ZNF521: variants seen among roughly 807,000 people sequenced by gnomAD.
The protein encoded by ZNF521 is zinc finger protein 521.
ZNF521 carries 14 observed loss-of-function variants against 105.5 expected under a neutral mutation model. The ratio of observed to expected loss-of-function variants is 0.13; its 90% CI spans 0.09 to 0.21. The LOEUF (loss-of-function observed/expected upper bound fraction) is 0.21, where lower values mean the gene tolerates loss of function less well. Ranked by LOEUF, ZNF521 falls within the 10% of genes least tolerant of loss-of-function variation. ZNF521 has a pLI of 1.00. For synonymous variants in ZNF521, 635 were observed against 606.0 expected (o/e 1.05, Z -0.70); for missense variants, 1,233 against 1,629.7 (o/e 0.76, Z 4.19).
chr18:25,167,010 A>G (rs1393887139), intron 5 of ZNF521, among the ~76,000 whole-genome samples: 1 of 152,190 alleles, frequency 6.6e-6, no homozygotes, highest in Non-Finnish European at 1.5e-5. Flanking sequence ...TATATTTCTC[A>G]TCACTGCTTT....
intron 3 of ZNF521, among the ~76,000 whole-genome samples, chr18:25,303,548 G>A (rs1043861204): frequency 1.9e-4 from 29 of 152,036 alleles, no homozygotes; most frequent in African/African-American, 3.6e-4. Context: ...TGCCCGTCTC[G>A]GCCTCCCAAA....
At chr18:25,293,035 T>A (rs1460401393) in intron 3 of ZNF521, among the ~76,000 whole-genome samples, 3 of 152,182 alleles carry the variant, frequency 2.0e-5, no homozygotes, top group Non-Finnish European at 4.4e-5. Flanking sequence ...CACTGCCCAA[T>A]GGTTTTCCCA....
chr18:25,272,852 T>C (rs1909753800), intron 3 of ZNF521, among the ~76,000 whole-genome samples: 1 of 152,022 alleles, frequency 6.6e-6, no homozygotes, highest in Non-Finnish European at 1.5e-5. Flanking sequence ...ATGGCACATG[T>C]ATACCTATGT....
intron 5 of ZNF521, among the ~76,000 whole-genome samples, chr18:25,160,379 C>T (rs1454173600): frequency 6.6e-6 from 1 of 152,182 alleles, no homozygotes; most frequent in African/African-American, 2.4e-5. Context: ...GAATGATGCA[C>T]ATGTGGCCAA....
intron 5 of ZNF521, among the ~76,000 whole-genome samples, chr18:25,156,888 A>G (rs922236127): frequency 2.6e-5 from 4 of 152,328 alleles, no homozygotes; most frequent in African/African-American, 7.2e-5. Flanking sequence ...TGAGGCATGA[A>G]GGAGCTCTTG....
chr18:25,218,948 C>T (rs542057501), intron 4 of ZNF521, among the ~76,000 whole-genome samples: 5 of 152,230 alleles, frequency 3.3e-5, no homozygotes, highest in South Asian at 2.1e-4. Context: ...ACCCCCAAGA[C>T]GGCAAGACCA....
At chr18:25,335,868 G>C (rs917018295) in intron 2 of ZNF521, among the ~76,000 whole-genome samples, 8 of 152,192 alleles carry the variant, frequency 5.3e-5, no homozygotes, top group Non-Finnish European at 1.5e-5. Flanking sequence ...GCGGACAGAG[G>C]CTGGGCTTCT....
intron 5 of ZNF521, among the ~76,000 whole-genome samples, chr18:25,159,547 T>C (rs956798767): frequency 3.9e-5 from 6 of 152,122 alleles, no homozygotes; most frequent in Non-Finnish European, 7.4e-5. Context: ...GGTTGTAAGA[T>C]TGATGACTAA....
At chr18:25,228,233 G>T (rs1410237780) in intron 3 of ZNF521, among the ~76,000 whole-genome samples, 1 of 152,112 alleles carries the variant, frequency 6.6e-6, no homozygotes, top group Non-Finnish European at 1.5e-5. Flanking sequence ...CTGTTACGGG[G>T]TTCTTATTGA....
intron 3 of ZNF521, among the ~76,000 whole-genome samples, chr18:25,310,433 CAA>C (rs751323496): frequency 8.1e-6 from 1 of 123,190 alleles, no homozygotes; most frequent in African/African-American, 2.8e-5. Context: ...AAACAGAAAA[CAA>C]AAAAAAAAAG....
intron 2 of ZNF521, chr18:25,327,503 C>G: frequency 1.1e-6 from 1 of 918,956 alleles, no homozygotes. Context: ...TGAAAGCACT[C>G]CTCCCCTACA....
intron 4 of ZNF521, among the ~76,000 whole-genome samples, chr18:25,212,243 G>A (rs1392901068): frequency 6.6e-6 from 1 of 151,626 alleles, no homozygotes; most frequent in Non-Finnish European, 1.5e-5. Flanking sequence ...CGGGCATGGT[G>A]GCTCACGCCT....
rs761895133 is a variant in ZNF521, at chr18:25,226,406, G to A, written c.1512C>T (p.Asn504=). The change falls in exon 4 of 8, where the codon AAC becomes AAT. Residue 504 remains asparagine (N), a synonymous_variant. Transcript: ENST00000361524. This position sits in a 1 kb window ranked among gnomAD's most constrained non-coding sequence, Gnocchi z 4.1. The part of the protein sequence containing the change: ...EHIRCSHGFA[N]PAAKDSNAFF... ...ATGCATTACTATCTTTAGCTGCAGGGTTTGCAAATCCATGAGAACATCGGA... is the reference window on the plus strand; with the variant it reads ...ATGCATTACTATCTTTAGCTGCAGGATTTGCAAATCCATGAGAACATCGGA... 6.2e-7 allele frequency: 1 copy of A among 1,614,094 alleles called. No homozygotes were observed.
intron 5 of ZNF521, among the ~76,000 whole-genome samples, chr18:25,164,109 A>T (rs2035296039): frequency 6.6e-6 from 1 of 152,214 alleles, no homozygotes. Flanking sequence ...GTGAAAGTGA[A>T]GCTAACAATT....
chr18:25,223,116 T>C (rs541112118), intron 4 of ZNF521, among the ~76,000 whole-genome samples: 2 of 152,354 alleles, frequency 1.3e-5, no homozygotes, highest in African/African-American at 2.4e-5. Flanking sequence ...CTACTAATAT[T>C]TGTTTCAAAA....
At chr18:25,141,073 C>G (rs2034838318) in intron 5 of ZNF521, among the ~76,000 whole-genome samples, 1 of 152,130 alleles carries the variant, frequency 6.6e-6, no homozygotes, top group African/African-American at 2.4e-5. Flanking sequence ...TCTCAAGAAG[C>G]AGATCGAAAG....
At chr18:25,072,040 C>G (rs1442639566) in intron 7 of ZNF521, among the ~76,000 whole-genome samples, 1 of 152,184 alleles carries the variant, frequency 6.6e-6, no homozygotes, top group African/African-American at 2.4e-5. Context: ...TCTGGTGGAG[C>G]TGCAGATATG....
chr18:25,203,261 A>G (rs1246087789), intron 4 of ZNF521, among the ~76,000 whole-genome samples: 1 of 151,824 alleles, frequency 6.6e-6, no homozygotes, highest in African/African-American at 2.4e-5. Flanking sequence ...GTTAGAAAAA[A>G]CTCTCTGGGA....
rs542057386 is a variant in ZNF521, at chr18:25,226,817, G to T, written c.1101C>A (p.Ser367Arg). ...GCGGGGCAGCTTCCACCATGGTTGA[G>T]CTGTCCACTGAGAGGTTGGAATCTG... ...TTPDSNLSVD[S>R]STMVEAAPPI... The change falls in exon 4 of 8, where the codon AGC becomes AGA. Residue 367 changes from serine to arginine, a missense_variant. Transcript: ENST00000361524. This position sits in a 1 kb window ranked among gnomAD's most constrained non-coding sequence, Gnocchi z 4.1. The T allele has an allele frequency of 1.9e-6, 3 of 1,614,052 alleles. No individual in the cohort carries two copies. Among genetic ancestry groups the T allele is most frequent in the Non-Finnish European group, 2.5e-6 (3 of 1,179,988 alleles).
Sources: allele counts gnomAD v4.1 joint callset (sites outside exome capture counted in the v4.1 genomes callset), GRCh38; gene constraint gnomAD v4.1.1; non-coding constraint Gnocchi (gnomAD v3.1); transcripts MANE v1.5; gene names NCBI Gene and HGNC (gene_info 2026-07-23, HGNC 2026-07-21).